NAV1: variants seen among roughly 807,000 people sequenced by gnomAD.
NAV1 encodes pore membrane and/or filament interacting like protein 3.
In NAV1, 18 loss-of-function variants were observed where a neutral mutation model predicts 175.2. That is an observed-to-expected ratio of 0.10 (90% CI 0.07 to 0.15). The LOEUF is 0.15. NAV1 is among the 10% of genes least tolerant of loss of function. The pLI, the probability that NAV1 is intolerant of heterozygous loss-of-function variation, is 1.00. For synonymous variants in NAV1, 897 were observed against 978.7 expected (o/e 0.92, Z 1.56); for missense variants, 1,731 against 2,436.6 (o/e 0.71, Z 6.10).
At chr1:201,692,095 C>T (rs1670970785) in intron 1 of NAV1, among the ~76,000 whole-genome samples, 1 of 152,220 alleles carries the variant, frequency 6.6e-6, no homozygotes, top group Non-Finnish European at 1.5e-5. Context: ...TGGCTGAGTT[C>T]TCGTCTCCCT....
At chr1:201,581,557 G>C (rs1307409095) in intron 1 of NAV1, among the ~76,000 whole-genome samples, 1 of 152,126 alleles carries the variant, frequency 6.6e-6, no homozygotes, top group East Asian at 1.9e-4. Flanking sequence ...GGCCGGGCGC[G>C]GTGGCTCATG....
intron 17 of NAV1, among the ~76,000 whole-genome samples, chr1:201,806,385 T>C (rs1398468447): frequency 1.3e-5 from 2 of 152,206 alleles, no homozygotes; most frequent in Admixed American, 6.5e-5. Flanking sequence ...CCTAAACTCA[T>C]TTAACCATGG....
At chr1:201,623,856 C>G (rs1189427964) in intron 1 of NAV1, among the ~76,000 whole-genome samples, 1 of 152,118 alleles carries the variant, frequency 6.6e-6, no homozygotes, top group East Asian at 1.9e-4. Context: ...GAATCCACAA[C>G]AAAAAGAGTC....
At chr1:201,773,475 GAACTGATA>G (rs1177777803) in intron 3 of NAV1, among the ~76,000 whole-genome samples, 2 of 152,226 alleles carry the variant, frequency 1.3e-5, no homozygotes, top group Non-Finnish European at 2.9e-5. Flanking sequence ...GGGAGGAGTA[GAACTGATA>G]AGAAGTCTTT....
exon 30 of NAV1, chr1:201,826,499 A>G (rs1679681836): frequency 6.6e-6 from 1 of 152,074 alleles, no homozygotes; most frequent in Non-Finnish European, 1.5e-5. Context: ...TTTAGGCAGC[A>G]CCGTTTATGT....
intron 3 of NAV1, among the ~76,000 whole-genome samples, chr1:201,747,904 A>T (rs1673871943): frequency 6.6e-6 from 1 of 152,126 alleles, no homozygotes; most frequent in Non-Finnish European, 1.5e-5. Flanking sequence ...CTGAGTGCTT[A>T]TCTTGGGATC....
At position 201,810,842 on chromosome 1, in the gene NAV1, T is replaced by C. The variant is rs566620616; in HGVS notation, c.4797+84T>C. 4.0e-6 allele frequency: 4 copies of C among 1,000,740 alleles called. No individual in the cohort carries two copies. The highest frequency in any genetic ancestry group is 5.2e-5 in the East Asian group (2 of 38,756). 62.0% of individuals were successfully genotyped at this position (1,000,740 alleles called of 1,614,324 possible). A position where few individuals can be genotyped will look rare whatever the true frequency, so the allele number is the denominator to read the frequency against. On this transcript the variant is annotated intron_variant, in intron 24 of 29. Coordinates refer to ENST00000367296, the Ensembl canonical transcript of NAV1. This position sits in a 1 kb window ranked among gnomAD's most constrained non-coding sequence, Gnocchi z 6.0. The stretch of plus-strand genomic sequence containing the variant: ...CCTTCCTCGGCCCCTTCCTGCCTCA[T>C]TGTTCCCTTTTCCTCACCTCTGCCT...
At chr1:201,798,466 C>T (rs1451769643) in intron 15 of NAV1, 1 of 151,912 alleles carries the variant, frequency 6.6e-6, no homozygotes, top group African/African-American at 2.4e-5. Context: ...CATAGTGAGA[C>T]CTCATTCTTA....
At chr1:201,748,039 T>C (rs1673882308) in intron 3 of NAV1, among the ~76,000 whole-genome samples, 1 of 152,190 alleles carries the variant, frequency 6.6e-6, no homozygotes, top group Non-Finnish European at 1.5e-5. Flanking sequence ...CTGGGGAAGA[T>C]TGTAGTTGCC....
intron 1 of NAV1, among the ~76,000 whole-genome samples, chr1:201,661,303 G>C (rs1217153401): frequency 6.6e-6 from 1 of 152,180 alleles, no homozygotes; most frequent in African/African-American, 2.4e-5. Flanking sequence ...TCGAGAGTCA[G>C]TATCTGCCAA....
chr1:201,695,257 C>T (rs1283697463), intron 1 of NAV1, among the ~76,000 whole-genome samples: 2 of 152,250 alleles, frequency 1.3e-5, no homozygotes, highest in South Asian at 2.1e-4. Context: ...GCTCCTCCAC[C>T]GAGGGCTCTC....
chr1:201,739,881 C>G (rs1673289353), intron 3 of NAV1: 12 of 1,284,718 alleles, frequency 9.3e-6, no homozygotes, highest in Non-Finnish European at 1.1e-5. Context: ...GAAAAGGGAG[C>G]GGAGGGCAGG....
At chr1:201,605,153 C>T (rs1667639374) in intron 2 of NAV1, among the ~76,000 whole-genome samples, 1 of 151,018 alleles carries the variant, frequency 6.6e-6, no homozygotes, top group South Asian at 2.1e-4. Context: ...TTCCTTCCCC[C>T]TGATCCTGTC....
At chr1:201,729,182 A>C (rs1672740193) in intron 3 of NAV1, among the ~76,000 whole-genome samples, 2 of 152,200 alleles carry the variant, frequency 1.3e-5, no homozygotes, top group South Asian at 4.1e-4. Flanking sequence ...GGTGCCTGGA[A>C]ATTCCATGTA....
chr1:201,822,247 T>C (rs1292843984), exon 30 of NAV1: 2 of 152,848 alleles, frequency 1.3e-5, no homozygotes, highest in Non-Finnish European at 2.9e-5. Flanking sequence ...TTAAGGTCTC[T>C]GCTGTGCAGA....
rs142753769 is a variant in NAV1 at position 201,560,827 on chromosome 1, G to A, written c.-144+21485G>A. On this transcript the variant is annotated intron_variant, in intron 1 of 33. Coordinates refer to the NAV1 transcript ENST00000685211. ...GATCTGTGGATCCTTGCCATGAGCC[G>A]AGACCTCCCAGAGCTCCAGCACAAT... Among the ~76,000 whole-genome samples the A allele has an allele frequency of 4.6e-3, 698 of 152,284 alleles. 9 individuals are homozygous for A. The highest frequency in any genetic ancestry group is 0.016 in the African/African-American group (672 of 41,550).
At chr1:201,571,937 G>A (rs1333210962) in intron 1 of NAV1, among the ~76,000 whole-genome samples, 1 of 152,172 alleles carries the variant, frequency 6.6e-6, no homozygotes, top group Non-Finnish European at 1.5e-5. Context: ...TCTATTAATA[G>A]CGGAAAGGGG....
rs41313906 is a variant in NAV1, at chr1:201,803,763, G to T, written c.3639+49G>T. The T allele has an allele frequency of 3.1e-6, 5 of 1,590,074 alleles. No homozygotes were observed. The East Asian group carries it at 1.1e-4, about 36-fold the overall frequency. On this transcript the variant is annotated intron_variant, in intron 16 of 29. Transcript: ENST00000367296. ...GAAGTAGGTAGAACCGTGGTGGACCGCCTTCACCTCAGCATAGGGATCGAA... is the reference window on the plus strand; with the variant it reads ...GAAGTAGGTAGAACCGTGGTGGACCTCCTTCACCTCAGCATAGGGATCGAA...
In NAV1 at chr1:201,563,280, C is replaced by T. The variant is rs114406498; in HGVS notation, c.-144+23938C>T. ...AACAGCCCCTCGAAGAGCGTCCGGACGCCGGGACCCAGCCTGGATGGCAGA... is the reference window on the plus strand; with the variant it reads ...AACAGCCCCTCGAAGAGCGTCCGGATGCCGGGACCCAGCCTGGATGGCAGA... On this transcript the variant is annotated intron_variant, in intron 1 of 33. Transcript: ENST00000685211. 4.5e-3 allele frequency among the ~76,000 whole-genome samples: 682 copies of T among 152,052 alleles called. 7 individuals are homozygous for T. Among genetic ancestry groups the T allele is most frequent in the African/African-American group, 0.015 (627 of 41,470 alleles).
Sources: allele counts gnomAD v4.1 joint callset (sites outside exome capture counted in the v4.1 genomes callset), GRCh38; gene constraint gnomAD v4.1.1; non-coding constraint Gnocchi (gnomAD v3.1); transcripts MANE v1.5; gene names NCBI Gene and HGNC (gene_info 2026-07-23, HGNC 2026-07-21).